The following RANBP2 variants were observed in gnomAD, a reference collection of about 807,000 sequenced individuals.
RANBP2 encodes the protein RAN binding protein 2, also known as E3 SUMO-protein ligase RanBP2.
A neutral mutation model predicts 303.6 loss-of-function variants in RANBP2; 57 were observed. That is an observed-to-expected ratio of 0.19 (90% CI 0.15 to 0.23). The LOEUF is 0.23. Among genes scored for constraint, RANBP2 ranks in the 10% least tolerant of loss-of-function variants. RANBP2 has a pLI of 1.00. For missense variants in RANBP2, 3,138 were observed against 3,780.8 expected (o/e 0.83, Z 4.46); for synonymous variants, 1,167 against 1,301.5 (o/e 0.90, Z 2.23).
At chr2:109,500,052 C>G in the RANBP2 span, among the ~76,000 whole-genome samples, 2 of 152,142 alleles carry the variant, frequency 1.3e-5, no homozygotes, top group Non-Finnish European at 2.9e-5. Flanking sequence ...CTGACGTGCT[C>G]ACTGAAGTCA....
At chr2:109,537,300 A>G in the RANBP2 span, among the ~76,000 whole-genome samples, 1 of 152,180 alleles carries the variant, frequency 6.6e-6, no homozygotes, top group Non-Finnish European at 1.5e-5. Flanking sequence ...TTCTGTATCT[A>G]TGGGGATGAC....
chr2:109,723,127 G>A, the RANBP2 span, among the ~76,000 whole-genome samples: 2 of 152,108 alleles, frequency 1.3e-5, no homozygotes, highest in South Asian at 4.1e-4. Context: ...ACCAGCATCT[G>A]TTGTTATTAT....
chr2:108,787,121 G>A (rs1678976043), downstream of RANBP2, among the ~76,000 whole-genome samples: 1 of 152,192 alleles, frequency 6.6e-6, no homozygotes, highest in East Asian at 1.9e-4. Context: ...CTTCACCTAT[G>A]CCTCTGTGTT....
At chr2:108,844,048 G>C in the RANBP2 span, among the ~76,000 whole-genome samples, 1 of 151,414 alleles carries the variant, frequency 6.6e-6, no homozygotes, top group Non-Finnish European at 1.5e-5. Flanking sequence ...GTTTTGTAGA[G>C]ATAGGGTCTC....
the RANBP2 span, chr2:109,616,640 C>G: frequency 6.0e-6 from 1 of 167,002 alleles, no homozygotes; most frequent in African/African-American, 2.4e-5. Flanking sequence ...TGGGAATCTT[C>G]TTGGTATTTT....
At chr2:109,336,637 A>T in the RANBP2 span, among the ~76,000 whole-genome samples, 2 of 152,214 alleles carry the variant, frequency 1.3e-5, no homozygotes, top group African/African-American at 4.8e-5. Context: ...CCAGGAGAGC[A>T]TTTGTTTGTT....
chr2:109,042,212 A>G, the RANBP2 span, among the ~76,000 whole-genome samples: 1 of 152,166 alleles, frequency 6.6e-6, no homozygotes, highest in Non-Finnish European at 1.5e-5. Flanking sequence ...GTTCCAGCAC[A>G]CTGAAGATAG....
At chr2:108,751,125 A>G in intron 9 of RANBP2, 139 bp from the exon 10 acceptor site, 3 of 1,458,886 alleles carry the variant, frequency 2.1e-6, no homozygotes, top group Middle Eastern at 2.5e-4. Context: ...TTTGCCTAAC[A>G]TAGAATTCCC....
At chr2:109,527,516 AG>A in the RANBP2 span, among the ~76,000 whole-genome samples, 1 of 152,186 alleles carries the variant, frequency 6.6e-6, no homozygotes, top group Admixed American at 6.5e-5. Context: ...GGAATAACGC[AG>A]GCCCTGTGGG....
At chr2:109,232,224 C>T in the RANBP2 span, among the ~76,000 whole-genome samples, 1 of 152,230 alleles carries the variant, frequency 6.6e-6, no homozygotes, top group African/African-American at 2.4e-5. Context: ...TGCATCACTA[C>T]CACCCAACAA....
At chr2:108,774,840 C>T (rs1677764535) in intron 23 of RANBP2, among the ~76,000 whole-genome samples, 1 of 151,550 alleles carries the variant, frequency 6.6e-6, no homozygotes, top group African/African-American at 2.4e-5. Context: ...CGAGTATCTG[C>T]GATTATAGGC....
chr2:108,750,399 G>A (rs1277056509), intron 9 of RANBP2, among the ~76,000 whole-genome samples: 1 of 152,054 alleles, frequency 6.6e-6, no homozygotes, highest in African/African-American at 2.4e-5. Flanking sequence ...ATCATACTCT[G>A]ATAAAAACTT....
the RANBP2 span, among the ~76,000 whole-genome samples, chr2:108,963,060 G>A: frequency 3.9e-5 from 6 of 152,284 alleles, no homozygotes; most frequent in African/African-American, 1.4e-4. Flanking sequence ...CGTCACTGAA[G>A]GTCACTCACT....
At chr2:109,031,445 C>T in the RANBP2 span, among the ~76,000 whole-genome samples, 1 of 152,336 alleles carries the variant, frequency 6.6e-6, no homozygotes, top group East Asian at 1.9e-4. Context: ...CTGGAGGCCC[C>T]CTCTTACTAC....
chr2:108,753,007 C>A lies in RANBP2; in HGVS notation c.1765C>A (p.Leu589Ile). 2 of 1,608,472 alleles carry A rather than the reference C, an allele frequency of 1.2e-6. No homozygotes were observed. Among genetic ancestry groups the A allele is most frequent in the Non-Finnish European group, 1.7e-6 (2 of 1,178,718 alleles). ...AECLQKTGSG[L>I]NSFYDQREYI... The stretch of plus-strand genomic sequence containing the variant: ...TAACTTTCTTTTTTAGGGCAGCGGT[C>A]TTAATTCTTTTTATGATCAACGAGA... Residue 589 changes from leucine to isoleucine, a missense_variant, in exon 13 of 29, where the codon CTT (leucine) becomes ATT (isoleucine). Physicochemically the swap from Leu to Ile is conservative, Grantham distance 5. Around this residue, in one of 20 missense-constraint regions of RANBP2, gnomAD observed 162 missense variants for 286.9 expected, o/e 0.56. Transcript: ENST00000283195.
the RANBP2 span, among the ~76,000 whole-genome samples, chr2:109,740,215 T>C: frequency 6.6e-6 from 1 of 151,622 alleles, no homozygotes; most frequent in African/African-American, 2.4e-5. Flanking sequence ...TCTCAATCTC[T>C]TGACCTCATG....
At chr2:109,345,551 G>A in the RANBP2 span, among the ~76,000 whole-genome samples, 7 of 152,152 alleles carry the variant, frequency 4.6e-5, no homozygotes, top group Non-Finnish European at 7.3e-5. Flanking sequence ...GACAGATAAA[G>A]GTTTTTTGTG....
At chr2:108,835,060 G>A in the RANBP2 span, among the ~76,000 whole-genome samples, 65 of 152,302 alleles carry the variant, frequency 4.3e-4, no homozygotes, top group South Asian at 5.0e-3. Context: ...TAGAACTGTA[G>A]TTTGGAGTCA....
the RANBP2 span, among the ~76,000 whole-genome samples, chr2:109,240,354 G>A: frequency 6.6e-6 from 1 of 152,122 alleles, no homozygotes; most frequent in African/African-American, 2.4e-5. Context: ...CAGGTGTGGT[G>A]GCTCATGCCT....
Sources: gnomAD v4.1 joint callset for allele counts (sites outside exome capture counted in the v4.1 genomes callset) on GRCh38, gnomAD v4.1.1 for gene constraint, gnomAD v4.1.1 regional missense constraint, MANE v1.5 for transcripts, NCBI Gene and HGNC (gene_info 2026-07-23, HGNC 2026-07-21) for gene names.